MAPKAP1: variants seen among roughly 807,000 people sequenced by gnomAD.
MAPKAP1 encodes MAPK associated protein 1.
A neutral mutation model predicts 65.7 loss-of-function variants in MAPKAP1; 20 were observed. That is an observed-to-expected ratio of 0.30 (90% CI 0.21 to 0.44). MAPKAP1 has a LOEUF of 0.44. Ranked by LOEUF, MAPKAP1 falls within the 20% of genes least tolerant of loss-of-function variation. The pLI, the probability that MAPKAP1 is intolerant of heterozygous loss-of-function variation, is 1.00. For missense variants in MAPKAP1, 423 were observed against 648.0 expected (o/e 0.65, Z 3.77); for synonymous variants, 222 against 244.3 (o/e 0.91, Z 0.85).
At chr9:125,483,697 C>CCTAA (rs372371064) in intron 9 of MAPKAP1, among the ~76,000 whole-genome samples, 29 of 152,278 alleles carry the variant, frequency 1.9e-4, no homozygotes, top group Admixed American at 1.5e-3. Flanking sequence ...GGCACCACCA[C>CCTAA]CTAACCACTG....
chr9:125,557,918 G>A (rs900264561), intron 6 of MAPKAP1, among the ~76,000 whole-genome samples: 4 of 152,204 alleles, frequency 2.6e-5, no homozygotes, highest in African/African-American at 7.2e-5. Context: ...GTGCAATGGC[G>A]CGATCTCAGC....
chr9:125,488,995 C>T (rs377019619), intron 8 of MAPKAP1, among the ~76,000 whole-genome samples: 3 of 152,128 alleles, frequency 2.0e-5, no homozygotes, highest in Admixed American at 1.3e-4. Context: ...TGTATCTTTC[C>T]AGAAAGGAGT....
At position 125,553,114 on chromosome 9, in the gene MAPKAP1, T is replaced by C. The variant is rs576880937; in HGVS notation, c.848+6519A>G. Among the ~76,000 whole-genome samples the C allele has an allele frequency of 3.3e-5, 5 of 152,158 alleles. No homozygotes were observed. In the East Asian group the frequency reaches 9.7e-4, roughly 29 times the overall value. ...GGTGTATGAGATAAAGATACAGATA[T>C]AGGCCCCTCCTCACTCCTCATCTTC... is the stretch of plus-strand genomic sequence containing the variant. On this transcript the variant is annotated intron_variant, in intron 6 of 11. Transcript: ENST00000265960.
chr9:125,529,951 T>C (rs1168717449), intron 7 of MAPKAP1, among the ~76,000 whole-genome samples: 4 of 152,234 alleles, frequency 2.6e-5, no homozygotes, highest in Admixed American at 6.5e-5. Flanking sequence ...GTTGCAGATA[T>C]GCGGCAGAAA....
At chr9:125,555,856 T>G (rs1050676834) in intron 6 of MAPKAP1, among the ~76,000 whole-genome samples, 1 of 152,246 alleles carries the variant, frequency 6.6e-6, no homozygotes, top group African/African-American at 2.4e-5. Context: ...ATTCAGCTTT[T>G]TCAGTCCAGC....
At chr9:125,533,983 A>G (rs1830004605) in intron 7 of MAPKAP1, among the ~76,000 whole-genome samples, 1 of 152,246 alleles carries the variant, frequency 6.6e-6, no homozygotes, top group African/African-American at 2.4e-5. Context: ...TCACTCTAAT[A>G]TAGAATAATG....
Position 125,439,124 on chromosome 9 carries a change from A to G in MAPKAP1, c.1444-112T>C. On this transcript the variant is annotated intron_variant, in intron 11 of 11. Transcript: ENST00000265960. The surrounding 1 kb of genome is among the most constrained non-coding windows in gnomAD (Gnocchi z 4.0). ...GACCTGGGCCGGGTGCCTCAGGGCCAGGTGCTGTCGTGTGGAAGGAGTCCA... is the reference window on the plus strand; with the variant it reads ...GACCTGGGCCGGGTGCCTCAGGGCCGGGTGCTGTCGTGTGGAAGGAGTCCA... 7.8e-7 allele frequency: 1 copy of G among 1,277,368 alleles called. No individual in the cohort carries two copies. Among genetic ancestry groups the G allele is most frequent in the Non-Finnish European group, 1.1e-6 (1 of 925,064 alleles). The allele number at this position is 1,277,368 out of a possible 1,614,324, so 79.1% of individuals were successfully genotyped here.
chr9:125,540,823 T>A (rs564356905), intron 7 of MAPKAP1, among the ~76,000 whole-genome samples: 6 of 152,338 alleles, frequency 3.9e-5, no homozygotes, highest in African/African-American at 1.4e-4. Context: ...TTTTAAGTAC[T>A]TTCTATGTGT....
chr9:125,678,198 G>A (rs1834709099), intron 1 of MAPKAP1, among the ~76,000 whole-genome samples: 1 of 152,046 alleles, frequency 6.6e-6, no homozygotes, highest in Admixed American at 6.6e-5. Context: ...GATTACAGGC[G>A]TGAACCACTA....
At chr9:125,518,507 TA>T (rs955418297) in intron 7 of MAPKAP1, among the ~76,000 whole-genome samples, 176 of 145,024 alleles carry the variant, frequency 1.2e-3, no homozygotes, top group South Asian at 1.3e-3. Flanking sequence ...TACAAAAAAT[TA>T]AAAAAAAAAA....
chr9:125,665,166 A>C (rs1834305307), intron 3 of MAPKAP1, among the ~76,000 whole-genome samples: 1 of 151,862 alleles, frequency 6.6e-6, no homozygotes, highest in Non-Finnish European at 1.5e-5. Context: ...AAATTAGCCA[A>C]GCATGGTGGC....
chr9:125,528,627 T>C (rs1467750734), intron 7 of MAPKAP1, among the ~76,000 whole-genome samples: 2 of 151,690 alleles, frequency 1.3e-5, no homozygotes, highest in East Asian at 1.9e-4. Context: ...GGCAGGTGGA[T>C]CACGAGGTCA....
chr9:125,577,077 C>T (rs1395529662), intron 5 of MAPKAP1, among the ~76,000 whole-genome samples: 2 of 150,180 alleles, frequency 1.3e-5, no homozygotes, highest in African/African-American at 2.4e-5. Flanking sequence ...AAGTGAGGAG[C>T]GCCTCTTCCC....
chr9:125,563,655 G>C (rs530628), intron 5 of MAPKAP1, among the ~76,000 whole-genome samples: 75,029 of 151,920 alleles, frequency 0.49, 19,149 homozygotes, highest in East Asian at 0.67. Flanking sequence ...TTGAATAAAT[G>C]AAGATATGAA....
intron 7 of MAPKAP1, among the ~76,000 whole-genome samples, chr9:125,527,330 T>C (rs1829802136): frequency 6.6e-6 from 1 of 152,002 alleles, no homozygotes; most frequent in African/African-American, 2.4e-5. Context: ...CCTCCCAAAG[T>C]GCTGGGATTA....
intron 8 of MAPKAP1, among the ~76,000 whole-genome samples, chr9:125,488,365 T>C (rs1187657000): frequency 1.4e-5 from 2 of 146,148 alleles, no homozygotes; most frequent in African/African-American, 4.8e-5. Context: ...GTCATTTCTT[T>C]CTTTCTCTCT....
At chr9:125,473,882 G>T (rs141064683) in intron 9 of MAPKAP1, among the ~76,000 whole-genome samples, 1 of 152,114 alleles carries the variant, frequency 6.6e-6, no homozygotes, top group Non-Finnish European at 1.5e-5. Flanking sequence ...TCCTAACTAC[G>T]TGACTTGGGA....
intron 1 of MAPKAP1, among the ~76,000 whole-genome samples, chr9:125,673,686 G>A (rs907429789): frequency 1.3e-5 from 2 of 152,068 alleles, no homozygotes; most frequent in African/African-American, 2.4e-5. Flanking sequence ...TTGGGGGGCC[G>A]AGGCAGGAGG....
chr9:125,665,349 T>C (rs1386915039), intron 3 of MAPKAP1, among the ~76,000 whole-genome samples: 1 of 152,048 alleles, frequency 6.6e-6, no homozygotes, highest in Admixed American at 6.5e-5. Context: ...ATAAACTTAG[T>C]GGCTAACATA....
Sources: allele counts gnomAD v4.1 joint callset (sites outside exome capture counted in the v4.1 genomes callset), GRCh38; gene constraint gnomAD v4.1.1; non-coding constraint Gnocchi (gnomAD v3.1); transcripts MANE v1.5; gene names NCBI Gene and HGNC (gene_info 2026-07-23, HGNC 2026-07-21).